The following PCDHGB6 variants were observed in gnomAD, a reference collection of about 807,000 sequenced individuals.
The protein encoded by PCDHGB6 is protocadherin gamma subfamily B, 6, also known as protocadherin gamma-B6.
In PCDHGB6, 51 loss-of-function variants were observed where a neutral mutation model predicts 59.1. The ratio of observed to expected loss-of-function variants is 0.86; its 90% CI spans 0.69 to 1.09. The LOEUF (loss-of-function observed/expected upper bound fraction) is 1.09, where lower values mean the gene tolerates loss of function less well. Among genes scored for constraint, PCDHGB6 ranks in the 50% least tolerant of loss-of-function variants. The probability of loss-of-function intolerance (pLI) is 0.00; values close to 1 mark genes in which losing one functional copy is unlikely to be tolerated. For missense variants in PCDHGB6, 1,148 were observed against 1,205.1 expected, an observed-to-expected ratio of 0.95 and a Z score of 0.70; for synonymous variants, 466 against 495.1, an observed-to-expected ratio of 0.94 and a Z score of 0.78.
At position 141,413,842 on chromosome 5, in the gene PCDHGB6, G is replaced by T. The variant is rs1181086477; in HGVS notation, c.2418+3222G>T. 6.2e-6 allele frequency: 10 copies of T among 1,613,176 alleles called. No homozygotes were observed. In the Admixed American group the frequency reaches 1.7e-4, roughly 27 times the overall value. The stretch of plus-strand genomic sequence containing the variant: ...GGTCCTCACCGCCTCCGACGGGGGT[G>T]ACCCTCTCCGATCTGGCACTGTCCT... On this transcript the variant is annotated intron_variant, in intron 1 of 3. Transcript: ENST00000520790.
intron 1 of PCDHGB6, chr5:141,428,860 CT>C (rs34152666): frequency 0.3 from 42,955 of 145,250 alleles, 7,185 homozygotes; most frequent in African/African-American, 0.5. Flanking sequence ...TTACGGGAGA[CT>C]TTTTTTTTTT....
Position 141,409,745 on chromosome 5 carries a change from T to C in PCDHGB6, c.1543T>C (p.Phe515Leu), listed in dbSNP as rs968473065. 8 of 1,613,074 alleles carry C rather than the reference T, an allele frequency of 5.0e-6. No individual in the cohort carries two copies. The highest frequency in any genetic ancestry group is 6.8e-6 in the Non-Finnish European group (8 of 1,179,868). ...AGTGAGCGCGCAGAGCGGGGTGGTG[T>C]TCGCGCAGCGCGCCTTTGATCACGA... ...VSVSAQSGVVFAQRAFDHEQL... is the reference protein window; with the variant it reads ...VSVSAQSGVVLAQRAFDHEQL... Residue 515 changes from phenylalanine (F) to leucine (L), a missense_variant, in exon 1 of 4, where the codon TTC becomes CTC. Coordinates refer to ENST00000520790, the MANE Select transcript of PCDHGB6 (RefSeq NM_018926.3).
intron 1 of PCDHGB6, chr5:141,419,836 G>A (rs756561978): frequency 1.9e-6 from 3 of 1,613,958 alleles, no homozygotes. Context: ...CCACTGCCAC[G>A]CTGCACCTGG....
At chr5:141,481,533 T>TG (rs1246139713) in intron 1 of PCDHGB6, among the ~76,000 whole-genome samples, 2 of 152,200 alleles carry the variant, frequency 1.3e-5, no homozygotes, top group Admixed American at 6.5e-5. Context: ...AATCTAGAGA[T>TG]GGGGCTGGGC....
intron 2 of PCDHGB6, among the ~76,000 whole-genome samples, chr5:141,496,121 C>A (rs1391009290): frequency 6.6e-6 from 1 of 152,088 alleles, no homozygotes; most frequent in Non-Finnish European, 1.5e-5. Flanking sequence ...TCCTTCCCTG[C>A]CCCTCACACA....
intron 2 of PCDHGB6, among the ~76,000 whole-genome samples, chr5:141,495,128 G>T (rs1408872159): frequency 2.6e-5 from 4 of 152,160 alleles, no homozygotes; most frequent in African/African-American, 9.7e-5. Flanking sequence ...TCCCCTGAGG[G>T]CACTGTGGAA....
chr5:141,485,497 T>C lies in PCDHGB6; in HGVS notation c.2419-9310T>C, dbSNP rs1594488328. On this transcript the variant is annotated intron_variant, in intron 1 of 3. Coordinates refer to ENST00000520790, the MANE Select transcript of PCDHGB6 (RefSeq NM_018926.3). The surrounding 1 kb of genome is among the most constrained non-coding windows in gnomAD (Gnocchi z 5.7). ...CCAGCTGCATCGTGCCCCTGGAGTT[T>C]GTCACCGAAGGTCCTTTGGAAATGT... 6.2e-7 allele frequency: 1 copy of C among 1,614,112 alleles called. No homozygotes were observed. The highest frequency in any genetic ancestry group is 1.3e-5 in the African/African-American group (1 of 74,998).
chr5:141,469,372 C>T (rs780872014), intron 1 of PCDHGB6, among the ~76,000 whole-genome samples: 2 of 151,990 alleles, frequency 1.3e-5, no homozygotes, highest in African/African-American at 2.4e-5. Context: ...GTAAAGAGAT[C>T]GAGACCATCC....
rs1236961370 is a variant in PCDHGB6, at chr5:141,512,621, C to T, written c.*1448C>T. 1 of 152,964 alleles carries T rather than the reference C, an allele frequency of 6.5e-6. No homozygotes were observed. The highest frequency in any genetic ancestry group is 1.5e-5 in the Non-Finnish European group (1 of 68,612). 9.5% of individuals were successfully genotyped at this position (152,964 alleles called of 1,614,324 possible). A position where few individuals can be genotyped will look rare whatever the true frequency, so the allele number is the denominator to read the frequency against. Reference sequence around the variant, plus strand: ...CCATCCAGCGGGGCTGCCAGAGAACCCCAGACCTGCCCTTACAGTAGTGTA... The same window carrying T: ...CCATCCAGCGGGGCTGCCAGAGAACTCCAGACCTGCCCTTACAGTAGTGTA... On this transcript the variant is annotated 3_prime_UTR_variant, in exon 4 of 4. Coordinates refer to ENST00000520790, the MANE Select transcript of PCDHGB6 (RefSeq NM_018926.3).
rs534356534 is a variant in PCDHGB6 at position 141,432,344 on chromosome 5, C to G, written c.2418+21724C>G. ...CGACTACGAGCAGTTCCGAGACTTG[C>G]AAGTGAAAGTGATGGCGCGGGACAA... is the stretch of plus-strand genomic sequence containing the variant. On this transcript the variant is annotated intron_variant, in intron 1 of 3. Coordinates refer to ENST00000520790, the MANE Select transcript of PCDHGB6 (RefSeq NM_018926.3). This position sits in a 1 kb window ranked among gnomAD's most constrained non-coding sequence, Gnocchi z 6.0. 1.9e-5 allele frequency: 30 copies of G among 1,614,238 alleles called. No individual in the cohort carries two copies. In the East Asian group the frequency reaches 2.5e-4, roughly 13 times the overall value.
rs572457971 is a variant in PCDHGB6, at chr5:141,426,319, C to T, written c.2418+15699C>T. The T allele has an allele frequency of 1.5e-3, 257 of 175,598 alleles. 1 individual carries two copies. Among genetic ancestry groups the T allele is most frequent in the Non-Finnish European group, 1.2e-3 (99 of 79,820 alleles). 10.9% of individuals were successfully genotyped at this position (175,598 alleles called of 1,614,324 possible). ...CAGGGTGAAGCAGAGAAGCAGGACC[C>T]GGCAGTGGCAAGCACTCTTCCCTTT... is the stretch of plus-strand genomic sequence containing the variant. On this transcript the variant is annotated intron_variant, in intron 1 of 3. Coordinates refer to ENST00000520790, the MANE Select transcript of PCDHGB6 (RefSeq NM_018926.3).
chr5:141,421,374 C>G, intron 1 of PCDHGB6: 1 of 1,614,062 alleles, frequency 6.2e-7, no homozygotes, highest in Non-Finnish European at 8.5e-7. Context: ...TGGGCAATAT[C>G]TCCAAGGACC....
At chr5:141,494,188 T>C (rs2099752632) in intron 1 of PCDHGB6, among the ~76,000 whole-genome samples, 1 of 152,186 alleles carries the variant, frequency 6.6e-6, no homozygotes, top group South Asian at 2.1e-4. Flanking sequence ...GTCCCGGGAC[T>C]TGGATGCCCC....
intron 1 of PCDHGB6, chr5:141,428,236 G>A (rs1474911413): frequency 9.7e-7 from 1 of 1,026,978 alleles, no homozygotes; most frequent in Admixed American, 1.9e-5. Context: ...CAGCCTGCAG[G>A]AGGCACTGCC....
At chr5:141,502,815 TTTCC>T in intron 2 of PCDHGB6, among the ~76,000 whole-genome samples, 1 of 151,372 alleles carries the variant, frequency 6.6e-6, no homozygotes, top group East Asian at 1.9e-4. Context: ...TTCACTGTCT[TTTCC>T]TTGGGGAAGC....
intron 1 of PCDHGB6, chr5:141,418,509 G>T: frequency 6.2e-7 from 1 of 1,613,986 alleles, no homozygotes; most frequent in Non-Finnish European, 8.5e-7. Flanking sequence ...GCCTTAGATG[G>T]TGGGGACCCT....
intron 1 of PCDHGB6, chr5:141,422,432 A>T: frequency 6.2e-7 from 1 of 1,609,448 alleles, no homozygotes; most frequent in South Asian, 1.1e-5. Context: ...TATGGAAATT[A>T]TTACAAATTG....
chr5:141,478,073 G>A (rs756198123), intron 1 of PCDHGB6: 1 of 1,614,098 alleles, frequency 6.2e-7, no homozygotes, highest in Admixed American at 1.7e-5. Context: ...AGACAATGGG[G>A]AGCCTTCGCT....
rs1196366344 is a variant in PCDHGB6 at position 141,410,337 on chromosome 5, C to T, written c.2135C>T (p.Ala712Val). The T allele has an allele frequency of 6.2e-7, 1 of 1,613,930 alleles. No individual in the cohort carries two copies. The highest frequency in any genetic ancestry group is 8.5e-7 in the Non-Finnish European group (1 of 1,179,912). ...CTCCTCGCCGTGATTCTGGCCATTG[C>T]CTTGCGCCTGCGACGCTCTCTCAGC... ...LFLLAVILAIALRLRRSLSPA... is the reference protein window; with the variant it reads ...LFLLAVILAIVLRLRRSLSPA... The change falls in exon 1 of 4, where the codon GCC (alanine) becomes GTC (valine). Residue 712 changes from alanine to valine, a missense_variant. Physicochemically the swap from Ala to Val is moderately conservative, Grantham distance 64. Around this residue, in one of 5 missense-constraint regions of PCDHGB6, gnomAD observed 283 missense variants for 318.6 expected, o/e 0.89. Coordinates refer to ENST00000520790, the MANE Select transcript of PCDHGB6 (RefSeq NM_018926.3).
Sources: gnomAD v4.1 joint callset for allele counts (sites outside exome capture counted in the v4.1 genomes callset) on GRCh38, gnomAD v4.1.1 for gene constraint, gnomAD v4.1.1 regional missense constraint, Gnocchi (gnomAD v3.1) non-coding constraint, MANE v1.5 for transcripts, NCBI Gene and HGNC (gene_info 2026-07-23, HGNC 2026-07-21) for gene names.